ATP2B1: variants seen among roughly 807,000 people sequenced by gnomAD.
ATP2B1 encodes ATPase plasma membrane Ca2+ transporting 1.
A neutral mutation model predicts 124.2 loss-of-function variants in ATP2B1; 14 were observed. The observed-to-expected ratio is 0.11, with a 90% confidence interval of 0.07 to 0.18. The LOEUF is 0.18. Among genes scored for constraint, ATP2B1 ranks in the 10% least tolerant of loss-of-function variants. The probability of loss-of-function intolerance (pLI) is 1.00; values close to 1 mark genes in which losing one functional copy is unlikely to be tolerated. For synonymous variants in ATP2B1, 449 were observed against 492.4 expected (o/e 0.91, Z 1.17); for missense variants, 763 against 1,466.1 (o/e 0.52, Z 7.83).
chr12:89,633,459 T>C (rs1360738708), intron 5 of ATP2B1, among the ~76,000 whole-genome samples: 1 of 145,070 alleles, frequency 6.9e-6, no homozygotes, highest in African/African-American at 2.6e-5. Context: ...CACAGGATAC[T>C]GAAGGTATAC....
intron 1 of ATP2B1, among the ~76,000 whole-genome samples, chr12:89,690,189 T>A (rs987049575): frequency 6.6e-6 from 1 of 152,218 alleles, no homozygotes; most frequent in Middle Eastern, 3.4e-3. Context: ...GCCTAATAAA[T>A]GTTTATTTTT....
chr12:89,657,477 C>A (rs548747456), intron 1 of ATP2B1, among the ~76,000 whole-genome samples: 12 of 152,316 alleles, frequency 7.9e-5, no homozygotes, highest in African/African-American at 2.9e-4. Flanking sequence ...GTCTTCCCAC[C>A]TCAAGCAATC....
chr12:89,644,477 G>A (rs1199469925), intron 2 of ATP2B1, among the ~76,000 whole-genome samples: 1 of 151,076 alleles, frequency 6.6e-6, no homozygotes, highest in Non-Finnish European at 1.5e-5. Context: ...GATCTCACTT[G>A]CAACTATAAC....
At chr12:89,643,494 T>C (rs369643373) in intron 2 of ATP2B1, among the ~76,000 whole-genome samples, 8 of 152,140 alleles carry the variant, frequency 5.3e-5, no homozygotes, top group African/African-American at 7.2e-5. Context: ...GGTGGTGCTA[T>C]TGAATGTACC....
intron 1 of ATP2B1, among the ~76,000 whole-genome samples, chr12:89,671,382 C>T (rs755766881): frequency 4.0e-4 from 61 of 152,110 alleles, no homozygotes; most frequent in Admixed American, 1.0e-3. Context: ...GAGTTTTCTA[C>T]GTTCACAATG....
intron 11 of ATP2B1, among the ~76,000 whole-genome samples, chr12:89,617,651 A>G (rs1565824008): frequency 6.6e-6 from 1 of 152,156 alleles, no homozygotes. Flanking sequence ...GTTTTTCATA[A>G]TGCCTCTCTA....
chr12:89,630,917 G>A (rs1272356071), intron 5 of ATP2B1, among the ~76,000 whole-genome samples: 1 of 151,428 alleles, frequency 6.6e-6, no homozygotes, highest in Non-Finnish European at 1.5e-5. Flanking sequence ...ACAGATACAC[G>A]CCACTACACT....
At chr12:89,669,447 G>A (rs1273877340) in intron 1 of ATP2B1, among the ~76,000 whole-genome samples, 5 of 152,150 alleles carry the variant, frequency 3.3e-5, no homozygotes, top group Non-Finnish European at 5.9e-5. Context: ...ATCATAACTA[G>A]GATGATGACA....
chr12:89,615,843 T>A (rs560326898), intron 12 of ATP2B1, among the ~76,000 whole-genome samples: 25 of 152,330 alleles, frequency 1.6e-4, no homozygotes, highest in Non-Finnish European at 3.4e-4. Context: ...CTCGATTTTT[T>A]AAAAATGTAT....
chr12:89,680,635 G>A (rs1000073866), intron 1 of ATP2B1, among the ~76,000 whole-genome samples: 3 of 152,078 alleles, frequency 2.0e-5, no homozygotes, highest in East Asian at 3.8e-4. Context: ...TATAACTGGA[G>A]TCTTTTCAGA....
chr12:89,699,681 T>C (rs1228728466), intron 1 of ATP2B1, among the ~76,000 whole-genome samples: 1 of 152,198 alleles, frequency 6.6e-6, no homozygotes, highest in Non-Finnish European at 1.5e-5. Context: ...TGGTGAGTCC[T>C]TAACATATCA....
chr12:89,608,175 AT>A (rs1174381013), intron 15 of ATP2B1, among the ~76,000 whole-genome samples: 1 of 152,090 alleles, frequency 6.6e-6, no homozygotes, highest in Non-Finnish European at 1.5e-5. Context: ...AACTAAATTA[AT>A]TTATTTATTT....
intron 1 of ATP2B1, among the ~76,000 whole-genome samples, chr12:89,707,948 C>T (rs1272967688): frequency 6.6e-6 from 1 of 152,216 alleles, no homozygotes; most frequent in Non-Finnish European, 1.5e-5. Flanking sequence ...TTCTCTTAAA[C>T]TAAGTGAATA....
chr12:89,684,100 T>C (rs1424474660), intron 1 of ATP2B1, among the ~76,000 whole-genome samples: 1 of 152,160 alleles, frequency 6.6e-6, no homozygotes, highest in African/African-American at 2.4e-5. Context: ...TGCTACTTTC[T>C]GTGTAAGAAA....
chr12:89,658,643 G>GAGAGAT (rs1230833348), intron 1 of ATP2B1, among the ~76,000 whole-genome samples: 7 of 142,786 alleles, frequency 4.9e-5, no homozygotes, highest in South Asian at 2.1e-4. Context: ...GAGAGAGAGA[G>GAGAGAT]AGAGATAGAG....
intron 2 of ATP2B1, among the ~76,000 whole-genome samples, chr12:89,642,605 T>C (rs2136243939): frequency 6.6e-6 from 1 of 152,274 alleles, no homozygotes; most frequent in African/African-American, 2.4e-5. Context: ...TTTTGTTTTT[T>C]ATTTTGCTTG....
At chr12:89,663,507 G>C (rs1244941755) in intron 1 of ATP2B1, among the ~76,000 whole-genome samples, 3 of 63,432 alleles carry the variant, frequency 4.7e-5, no homozygotes, top group Non-Finnish European at 9.1e-5. Context: ...AAATCAACAT[G>C]GTAATAAAGT....
chr12:89,605,456 G>C (rs1949204298), intron 15 of ATP2B1, among the ~76,000 whole-genome samples: 1 of 152,098 alleles, frequency 6.6e-6, no homozygotes, highest in South Asian at 2.1e-4. Context: ...TCTTGCTTTT[G>C]TGCTCACTTG....
intron 3 of ATP2B1, among the ~76,000 whole-genome samples, chr12:89,636,950 G>A (rs1179607364): frequency 4.6e-5 from 7 of 152,144 alleles, no homozygotes; most frequent in Non-Finnish European, 8.8e-5. Flanking sequence ...CTGTAAGAAT[G>A]ACTCTCCCCG....
Sources: gnomAD v4.1 joint callset for allele counts (sites outside exome capture counted in the v4.1 genomes callset) on GRCh38, gnomAD v4.1.1 for gene constraint, MANE v1.5 for transcripts, NCBI Gene and HGNC (gene_info 2026-07-23, HGNC 2026-07-21) for gene names.